The following GMEB1 variants were observed in gnomAD, a reference collection of about 807,000 sequenced individuals.
GMEB1 encodes the protein glucocorticoid modulatory element binding protein 1.
GMEB1 carries 6 observed loss-of-function variants against 52.4 expected under a neutral mutation model. The ratio of observed to expected loss-of-function variants is 0.11; its 90% CI spans 0.06 to 0.23. The LOEUF is 0.23. GMEB1 is among the 10% of genes least tolerant of loss of function. GMEB1 has a pLI of 1.00. For synonymous variants in GMEB1, 255 were observed against 244.9 expected (o/e 1.04, Z -0.38); for missense variants, 486 against 685.6 (o/e 0.71, Z 3.25).
intron 9 of GMEB1, among the ~76,000 whole-genome samples, chr1:28,711,119 C>G (rs1162724230): frequency 6.6e-6 from 1 of 152,062 alleles, no homozygotes; most frequent in South Asian, 2.1e-4. Context: ...AACCCTGTCT[C>G]TACTAAAAAT....
At chr1:28,675,183 A>G (rs1398467318) in intron 1 of GMEB1, among the ~76,000 whole-genome samples, 2 of 150,996 alleles carry the variant, frequency 1.3e-5, no homozygotes, top group Admixed American at 1.3e-4. Flanking sequence ...ACGCTGAGCT[A>G]ATTTTTTGTA....
chr1:28,673,371 C>T (rs770952946), intron 1 of GMEB1, among the ~76,000 whole-genome samples: 33 of 152,250 alleles, frequency 2.2e-4, no homozygotes, highest in African/African-American at 7.5e-4. Context: ...ATTCTCCTGC[C>T]TCAGCCTCCT....
At chr1:28,679,103 C>G (rs1396083120) in intron 1 of GMEB1, among the ~76,000 whole-genome samples, 1 of 151,704 alleles carries the variant, frequency 6.6e-6, no homozygotes, top group African/African-American at 2.4e-5. Flanking sequence ...TCAGGATGGT[C>G]TCAATCTCTT....
chr1:28,669,634 C>T (rs1668792193), intron 1 of GMEB1, among the ~76,000 whole-genome samples: 2 of 152,004 alleles, frequency 1.3e-5, no homozygotes, highest in African/African-American at 4.8e-5. Flanking sequence ...TAGGAAGACT[C>T]CTAGAGCCTC....
intron 8 of GMEB1, among the ~76,000 whole-genome samples, chr1:28,705,082 CAAAAA>C (rs756423377): frequency 2.0e-5 from 1 of 49,236 alleles, no homozygotes; most frequent in Admixed American, 2.4e-4. Context: ...GACCTTGTCT[CAAAAA>C]AAAAAAAAAA....
intron 7 of GMEB1, among the ~76,000 whole-genome samples, chr1:28,703,713 C>T (rs1303012313): frequency 2.0e-5 from 3 of 151,900 alleles, no homozygotes; most frequent in African/African-American, 2.4e-5. Context: ...TAGCCACCAC[C>T]CTCAGAGAGC....
chr1:28,691,691 A>C lies in GMEB1; in HGVS notation c.318A>C (p.Ile106=). The change falls in exon 4 of 10, where the codon ATA becomes ATC. Residue 106 remains isoleucine (I), a synonymous_variant. Coordinates refer to ENST00000373816, the MANE Select transcript of GMEB1 (RefSeq NM_001319674.2). ...GGAAGAAGTTTGTATGTCCAGGAAT[A>C]AACGTGAAGTGTGTCAAGGTAATTG... ...LLWKKFVCPG[I]NVKCVKFNDQ... 6.4e-7 allele frequency: 1 copy of C among 1,556,108 alleles called. No individual in the cohort carries two copies. The highest frequency in any genetic ancestry group is 1.7e-4 in the Middle Eastern group (1 of 5,814).
At chr1:28,673,823 A>G (rs555843034) in intron 1 of GMEB1, among the ~76,000 whole-genome samples, 2 of 151,870 alleles carry the variant, frequency 1.3e-5, no homozygotes, top group Non-Finnish European at 2.9e-5. Flanking sequence ...ACACCAGGCT[A>G]GGCAACATAG....
chr1:28,675,528 A>G (rs1424148767), intron 1 of GMEB1, among the ~76,000 whole-genome samples: 1 of 151,874 alleles, frequency 6.6e-6, no homozygotes, highest in African/African-American at 2.4e-5. Flanking sequence ...AAAAATAAAA[A>G]AAGCCGAGCA....
At chr1:28,680,749 A>G (rs1669354191) in intron 1 of GMEB1, among the ~76,000 whole-genome samples, 2 of 150,400 alleles carry the variant, frequency 1.3e-5, no homozygotes, top group African/African-American at 4.9e-5. Context: ...AAAAAAAAAG[A>G]AAAGCAATCC....
chr1:28,686,348 C>CA (rs1167256672), intron 2 of GMEB1, among the ~76,000 whole-genome samples: 1 of 150,518 alleles, frequency 6.6e-6, no homozygotes, highest in East Asian at 2.0e-4. Flanking sequence ...GTCAAAAAAA[C>CA]AAAAAAAAGG....
chr1:28,687,375 C>A (rs866839723), intron 2 of GMEB1, among the ~76,000 whole-genome samples: 1,051 of 18,938 alleles, frequency 0.055, 169 homozygotes, highest in African/African-American at 0.17. Flanking sequence ...CACACACACA[C>A]ACACACACAC....
intron 1 of GMEB1, among the ~76,000 whole-genome samples, chr1:28,669,218 AG>A (rs1668764352): frequency 6.6e-6 from 1 of 151,404 alleles, no homozygotes; most frequent in African/African-American, 2.4e-5. Flanking sequence ...AGGGGCCAGG[AG>A]GGGCCGGAGT....
intron 2 of GMEB1, among the ~76,000 whole-genome samples, chr1:28,686,307 C>T (rs896582480): frequency 2.0e-5 from 3 of 152,046 alleles, no homozygotes; most frequent in African/African-American, 4.8e-5. Flanking sequence ...TGCCACTGCA[C>T]TGTAACCTGA....
At chr1:28,672,685 A>G (rs1668948363) in intron 1 of GMEB1, among the ~76,000 whole-genome samples, 1 of 150,126 alleles carries the variant, frequency 6.7e-6, no homozygotes, top group Non-Finnish European at 1.5e-5. Flanking sequence ...TATATTAGGT[A>G]TATCTACTAA....
rs1553134808 is a variant in GMEB1 at position 28,676,732 on chromosome 1, AAT to A, written c.-30-6849_-30-6848del. Among the ~76,000 whole-genome samples the A allele has an allele frequency of 5.7e-3, 866 of 151,078 alleles. 13 individuals are homozygous for A. Among genetic ancestry groups the A allele is most frequent in the African/African-American group, 0.02 (828 of 40,890 alleles). ...AGAGCAAGACTCCGTCTCAAAAAAA[AAT>A]AAATAAATAAATAAATACAAATAAA... On this transcript the variant is annotated intron_variant, in intron 1 of 9. Transcript: ENST00000373816.
intron 6 of GMEB1, among the ~76,000 whole-genome samples, chr1:28,700,924 C>CT (rs1267472284): frequency 2.6e-5 from 4 of 151,134 alleles, no homozygotes; most frequent in South Asian, 2.1e-4. Context: ...TTTTATGCAG[C>CT]TTTTTTTTTC....
chr1:28,701,266 G>GTTTTTTT (rs1557515961), intron 6 of GMEB1, among the ~76,000 whole-genome samples: 2 of 87,608 alleles, frequency 2.3e-5, no homozygotes, highest in African/African-American at 8.3e-5. Context: ...TTTAAAAGCT[G>GTTTTTTT]TCTTTTTTTT....
chr1:28,708,159 A>G (rs1670867920), intron 8 of GMEB1, among the ~76,000 whole-genome samples: 1 of 152,068 alleles, frequency 6.6e-6, no homozygotes, highest in Non-Finnish European at 1.5e-5. Context: ...TTAGCCTCCC[A>G]AAGTGCTGGG....
Sources: gnomAD v4.1 joint callset for allele counts (sites outside exome capture counted in the v4.1 genomes callset) on GRCh38, gnomAD v4.1.1 for gene constraint, MANE v1.5 for transcripts, NCBI Gene and HGNC (gene_info 2026-07-23, HGNC 2026-07-21) for gene names.